Variants in PTP4A1 observed in about 807,000 individuals in gnomAD.
PTP4A1 encodes the protein protein tyrosine phosphatase 4A1, also known as protein tyrosine phosphatase type IVA 1.
PTP4A1 carries 9 observed loss-of-function variants against 20.5 expected under a neutral mutation model. The observed-to-expected ratio is 0.44, with a 90% CI of 0.26 to 0.77. The LOEUF (loss-of-function observed/expected upper bound fraction) is 0.77. PTP4A1 is among the 30% of genes least tolerant of loss of function. The probability of loss-of-function intolerance (pLI) is 0.19; values close to 1 mark genes in which losing one functional copy is unlikely to be tolerated. For synonymous variants in PTP4A1, 78 were observed against 67.4 expected, an observed-to-expected ratio of 1.16 and a Z score of -0.77; for missense variants, 137 against 218.8, an observed-to-expected ratio of 0.63 and a Z score of 2.36.
At chr6:63,578,410 GA>G (rs1331280417) in intron 2 of PTP4A1, 26 bp from the exon 3 acceptor site, 1 of 1,593,066 alleles carries the variant, frequency 6.3e-7, no homozygotes, top group South Asian at 1.1e-5. Context: ...TAAACATTAA[GA>G]TTTTTTTAAT....
chr6:63,518,307 T>C (rs1490254525), upstream of PTP4A1, among the ~76,000 whole-genome samples: 1 of 152,228 alleles, frequency 6.6e-6, no homozygotes, highest in Non-Finnish European at 1.5e-5. Flanking sequence ...TCAATTCTCT[T>C]GCTTGTATTT....
At chr6:63,531,974 T>C (rs578045898) in intron 2 of PTP4A1, among the ~76,000 whole-genome samples, 1 of 152,252 alleles carries the variant, frequency 6.6e-6, no homozygotes, top group East Asian at 1.9e-4. Flanking sequence ...TTAATTTTTG[T>C]ATTTTTAGTA....
chr6:63,551,115 G>C (rs755129465), intron 3 of PTP4A1, among the ~76,000 whole-genome samples: 7 of 152,006 alleles, frequency 4.6e-5, no homozygotes, highest in Non-Finnish European at 1.0e-4. Flanking sequence ...GCCCAGGCTG[G>C]AGCACAGTTG....
At chr6:63,577,951 G>A (rs1777975342) in intron 2 of PTP4A1, among the ~76,000 whole-genome samples, 1 of 149,856 alleles carries the variant, frequency 6.7e-6, no homozygotes, top group Non-Finnish European at 1.5e-5. Flanking sequence ...GTTTTAAATG[G>A]TATGTGGGCT....
chr6:63,521,510 A>G (rs1257796033), upstream of PTP4A1, among the ~76,000 whole-genome samples: 1 of 152,238 alleles, frequency 6.6e-6, no homozygotes, highest in Non-Finnish European at 1.5e-5. Context: ...ACATGTAAAG[A>G]GGGTAAATGA....
In PTP4A1 at chr6:63,583,411, G is replaced by A. The variant is rs763277881; in HGVS notation, c.*3237G>A. 9 of 152,130 alleles carry A rather than the reference G, an allele frequency of 5.9e-5. No homozygotes were observed. The highest frequency in any genetic ancestry group is 9.7e-5 in the African/African-American group (4 of 41,416). The allele number at this position is 152,130 out of a possible 1,614,324, so 9.4% of individuals were successfully genotyped here. On this transcript the variant is annotated 3_prime_UTR_variant, in exon 6 of 6. Transcript: ENST00000626021. ...GTGACATTTAATGTTTCTCCATTAC[G>A]TTTGGGGTAACCAGCCTAAGTGGAA...
intron 1 of PTP4A1, chr6:63,573,153 C>G (rs1777589943): frequency 6.4e-6 from 1 of 156,320 alleles, no homozygotes; most frequent in Non-Finnish European, 1.4e-5. Flanking sequence ...CGCGGCGTCC[C>G]GGGGCCTCTT....
At chr6:63,528,124 A>T (rs1399604837) in intron 2 of PTP4A1, 1 of 152,166 alleles carries the variant, frequency 6.6e-6, no homozygotes, top group Non-Finnish European at 1.5e-5. Flanking sequence ...TTCTCATCTT[A>T]AAGCCATAGA....
rs115546075 is a variant in PTP4A1, at chr6:63,540,198, G to A, written c.-639-10102G>A. Among the ~76,000 whole-genome samples, 396 of 152,256 alleles carry A rather than the reference G, an allele frequency of 2.6e-3. 1 individual carries two copies. Among genetic ancestry groups the A allele is most frequent in the African/African-American group, 9.0e-3 (374 of 41,552 alleles). On this transcript the variant is annotated intron_variant, in intron 2 of 3. Coordinates refer to the PTP4A1 transcript ENST00000639568. ...TTGGAGAGTGAATAAACAAAATGTG[G>A]TAGATGCACTTACTCCTTGAACAAC...
intron 3 of PTP4A1, among the ~76,000 whole-genome samples, chr6:63,563,433 TC>T (rs1561910119): frequency 6.6e-6 from 1 of 152,088 alleles, no homozygotes; most frequent in Non-Finnish European, 1.5e-5. Flanking sequence ...TCTCTCTTCC[TC>T]CCCCTCTTTT....
chr6:63,523,882 C>G (rs1261842690), intron 1 of PTP4A1, among the ~76,000 whole-genome samples: 1 of 152,112 alleles, frequency 6.6e-6, no homozygotes, highest in Non-Finnish European at 1.5e-5. Flanking sequence ...AGATTGCCTA[C>G]TCCTAGCATA....
At chr6:63,550,431 T>C (rs1357123309) in exon 3 of PTP4A1, 1 of 152,022 alleles carries the variant, frequency 6.6e-6, no homozygotes, top group Non-Finnish European at 1.5e-5. Flanking sequence ...AGGGTGAAGC[T>C]ACAAAAATTG....
chr6:63,529,205 G>GTATATATATGTGTGTATATATATATATA (rs1775342967), intron 2 of PTP4A1, among the ~76,000 whole-genome samples: 2 of 145,802 alleles, frequency 1.4e-5, no homozygotes, highest in African/African-American at 5.1e-5. Context: ...ATATATATAT[G>GTATATATATGTGTGTATATATATATATA]TATATATATT....
chr6:63,526,831 ATATATTTATT>A (rs893605086), intron 1 of PTP4A1, among the ~76,000 whole-genome samples: 6 of 132,354 alleles, frequency 4.5e-5, no homozygotes, highest in African/African-American at 1.8e-4. Context: ...ATATATATAT[ATATATTTATT>A]TATTTATTCT....
At position 63,581,529 on chromosome 6, in the gene PTP4A1, CCT is replaced by C. The variant is rs1419345842; in HGVS notation, c.*1357_*1358del. ...GAATTGCACTTCACTTAATGTGTGT[CCT>C]CATCTTTTTACAAATAAATGAAGGA... On this transcript the variant is annotated 3_prime_UTR_variant, in exon 6 of 6. Transcript: ENST00000626021. 8.5e-5 allele frequency: 13 copies of C among 152,280 alleles called. No individual in the cohort carries two copies. The highest frequency in any genetic ancestry group is 1.2e-4 in the Non-Finnish European group (8 of 67,988). The allele number at this position is 152,280 out of a possible 1,614,324, so 9.4% of individuals were successfully genotyped here. A position where few individuals can be genotyped will look rare whatever the true frequency, so the allele number is the denominator to read the frequency against.
intron 2 of PTP4A1, chr6:63,549,210 T>C (rs1776330193): frequency 9.8e-6 from 7 of 712,640 alleles, no homozygotes; most frequent in Admixed American, 3.9e-5. Context: ...TCTGTACTTG[T>C]GGGCCAGCTG....
chr6:63,547,121 T>C (rs1776225690), intron 2 of PTP4A1, among the ~76,000 whole-genome samples: 1 of 151,922 alleles, frequency 6.6e-6, no homozygotes, highest in African/African-American at 2.4e-5. Context: ...TCAGATATAA[T>C]AAGATTAATC....
chr6:63,553,649 A>T (rs1278853267), intron 3 of PTP4A1, among the ~76,000 whole-genome samples: 2 of 152,198 alleles, frequency 1.3e-5, no homozygotes, highest in African/African-American at 4.8e-5. Flanking sequence ...GCTTCCTGGT[A>T]AAGAATTGAT....
intron 3 of PTP4A1, among the ~76,000 whole-genome samples, chr6:63,559,518 G>T (rs1229510722): frequency 6.6e-6 from 1 of 152,044 alleles, no homozygotes. Context: ...AGGCCGAGGT[G>T]GGCGGATCAT....
Sources: gnomAD v4.1 joint callset for allele counts (sites outside exome capture counted in the v4.1 genomes callset) on GRCh38, gnomAD v4.1.1 for gene constraint, MANE v1.5 for transcripts, NCBI Gene and HGNC (gene_info 2026-07-23, HGNC 2026-07-21) for gene names.